Variants in PARD3B observed in about 807,000 individuals in gnomAD.
The protein encoded by PARD3B is par-3 family cell polarity regulator beta, also known as partitioning defective 3 homolog B.
In PARD3B, 103 loss-of-function variants were observed where a neutral mutation model predicts 130.2. That is an observed-to-expected ratio of 0.79 (90% CI 0.67 to 0.93). The LOEUF is 0.93. Among genes scored for constraint, PARD3B ranks in the 40% least tolerant of loss-of-function variants. PARD3B has a pLI of 0.00. For missense variants in PARD3B, 1,609 were observed against 1,499.2 expected (o/e 1.07, Z -1.21); for synonymous variants, 583 against 553.2 (o/e 1.05, Z -0.76).
chr2:204,968,191 A>T (rs1348407171), intron 3 of PARD3B, among the ~76,000 whole-genome samples: 1 of 152,204 alleles, frequency 6.6e-6, no homozygotes, highest in Admixed American at 6.5e-5. Flanking sequence ...TTTCTTAATT[A>T]AGCAGACACA....
chr2:205,066,175 T>C (rs1700364981), intron 4 of PARD3B, among the ~76,000 whole-genome samples: 1 of 152,172 alleles, frequency 6.6e-6, no homozygotes, highest in Non-Finnish European at 1.5e-5. Context: ...CCTGTGCATA[T>C]TTTCTGCTCT....
chr2:205,557,071 T>G (rs2052922089), intron 22 of PARD3B, among the ~76,000 whole-genome samples: 1 of 152,110 alleles, frequency 6.6e-6, no homozygotes, highest in African/African-American at 2.4e-5. Context: ...GATGGCTCTG[T>G]GCATCGGCGC....
At chr2:204,979,249 G>C (rs1451927344) in intron 3 of PARD3B, among the ~76,000 whole-genome samples, 1 of 151,832 alleles carries the variant, frequency 6.6e-6, no homozygotes, top group Non-Finnish European at 1.5e-5. Context: ...AAAATGGAGA[G>C]TAAATAAAAT....
At chr2:205,404,499 A>G (rs1403834052) in intron 19 of PARD3B, among the ~76,000 whole-genome samples, 1 of 152,214 alleles carries the variant, frequency 6.6e-6, no homozygotes, top group Non-Finnish European at 1.5e-5. Context: ...CAAAACCTGC[A>G]TCTATAACAT....
chr2:204,633,427 T>G (rs1345670126), intron 1 of PARD3B, among the ~76,000 whole-genome samples: 3 of 152,178 alleles, frequency 2.0e-5, no homozygotes, highest in African/African-American at 7.2e-5. Flanking sequence ...CTTCTAGAAA[T>G]AGCATCATAT....
At chr2:205,541,260 C>T (rs548826740) in intron 21 of PARD3B, among the ~76,000 whole-genome samples, 236 of 151,746 alleles carry the variant, frequency 1.6e-3, no homozygotes, top group Non-Finnish European at 2.5e-3. Context: ...TTCTCTGTTT[C>T]TCTGGGTTTT....
At chr2:204,853,564 C>G (rs2044796424) in intron 2 of PARD3B, among the ~76,000 whole-genome samples, 2 of 152,300 alleles carry the variant, frequency 1.3e-5, no homozygotes, top group African/African-American at 4.8e-5. Context: ...ACTGGAACTT[C>G]TTATATACAC....
At chr2:205,376,404 C>G (rs1365202051) in intron 18 of PARD3B, among the ~76,000 whole-genome samples, 2 of 117,144 alleles carry the variant, frequency 1.7e-5, no homozygotes, top group African/African-American at 5.7e-5. Flanking sequence ...AGCAGCTGGC[C>G]CATTACCCAC....
In PARD3B at chr2:204,643,115, C is replaced by CAAAAAAAAAAAAA. The variant is rs71029202; in HGVS notation, c.121-43057_121-43045dup. The stretch of plus-strand genomic sequence containing the variant: ...GGCGACAGAGGGAGACTCTGTCTCA[C>CAAAAAAAAAAAAA]AAAAAAAAAAAAAAAAAAAAATGTT... On this transcript the variant is annotated intron_variant, in intron 1 of 22. Transcript: ENST00000406610. Among the ~76,000 whole-genome samples the CAAAAAAAAAAAAA allele has an allele frequency of 6.7e-3, 214 of 31,790 alleles. 24 individuals carry two copies. Among genetic ancestry groups the CAAAAAAAAAAAAA allele is most frequent in the African/African-American group, 0.02 (200 of 10,168 alleles). The allele number at this position is 31,790 out of a possible 152,430, so 20.9% of individuals were successfully genotyped here. A position where few individuals can be genotyped will look rare whatever the true frequency, so the allele number is the denominator to read the frequency against.
chr2:205,044,199 C>G (rs1698602666), intron 3 of PARD3B, among the ~76,000 whole-genome samples: 1 of 151,300 alleles, frequency 6.6e-6, no homozygotes, highest in South Asian at 2.1e-4. Flanking sequence ...TTAATCCAGT[C>G]TATCATTGTT....
intron 1 of PARD3B, among the ~76,000 whole-genome samples, chr2:204,638,606 A>G (rs2034969008): frequency 6.6e-6 from 1 of 152,226 alleles, no homozygotes; most frequent in Non-Finnish European, 1.5e-5. Context: ...TACTAATAAA[A>G]AGAGACATCT....
chr2:204,970,749 A>T (rs960628714), intron 3 of PARD3B, among the ~76,000 whole-genome samples: 3 of 152,272 alleles, frequency 2.0e-5, no homozygotes, highest in Admixed American at 6.5e-5. Flanking sequence ...GATAAAAAGT[A>T]CTTTAAACTT....
chr2:205,125,405 A>C lies in PARD3B; in HGVS notation c.1306-204A>C, dbSNP rs1036758122. On this transcript the variant is annotated intron_variant, in intron 9 of 22. Coordinates refer to ENST00000406610, the MANE Select transcript of PARD3B (RefSeq NM_001302769.2). The surrounding 1 kb of genome is among the most constrained non-coding windows in gnomAD (Gnocchi z 4.0). ...TGTCTTAGGAAAAACTGCTGATATT[A>C]ATTACCGACTCTGAGTTCATCCAGC... 6.6e-6 allele frequency among the ~76,000 whole-genome samples: 1 copy of C among 152,182 alleles called. No homozygotes were observed. The highest frequency in any genetic ancestry group is 1.5e-5 in the Non-Finnish European group (1 of 68,032).
intron 18 of PARD3B, among the ~76,000 whole-genome samples, chr2:205,318,760 C>A (rs2042645677): frequency 6.6e-6 from 1 of 152,134 alleles, no homozygotes; most frequent in Non-Finnish European, 1.5e-5. Flanking sequence ...CTGGGCTGAT[C>A]AAACTCCCTT....
At chr2:205,117,049 T>TA (rs1416046502) in intron 6 of PARD3B, among the ~76,000 whole-genome samples, 3 of 152,062 alleles carry the variant, frequency 2.0e-5, no homozygotes, top group Non-Finnish European at 4.4e-5. Context: ...GAATGCTTGT[T>TA]AAAAAAATAT....
chr2:205,370,567 C>T (rs1399385881), intron 18 of PARD3B, among the ~76,000 whole-genome samples: 1 of 152,136 alleles, frequency 6.6e-6, no homozygotes, highest in Non-Finnish European at 1.5e-5. Context: ...CCCGGCTGCT[C>T]ATAACTGACC....
intron 15 of PARD3B, among the ~76,000 whole-genome samples, chr2:205,202,426 G>A (rs2037045121): frequency 6.6e-6 from 1 of 152,112 alleles, no homozygotes; most frequent in Admixed American, 6.6e-5. Flanking sequence ...CTTTCAAGAA[G>A]AATTTGACTT....
intron 1 of PARD3B, among the ~76,000 whole-genome samples, chr2:204,579,700 G>T (rs945943613): frequency 6.6e-6 from 1 of 152,152 alleles, no homozygotes; most frequent in Non-Finnish European, 1.5e-5. Context: ...GGAATCTTTG[G>T]CTTTTCAGAT....
At chr2:204,593,235 T>G (rs1236801983) in intron 1 of PARD3B, among the ~76,000 whole-genome samples, 1 of 152,096 alleles carries the variant, frequency 6.6e-6, no homozygotes, top group Non-Finnish European at 1.5e-5. Context: ...CAAAATCCAA[T>G]CAAACACCAT....
Sources: gnomAD v4.1 joint callset for allele counts (sites outside exome capture counted in the v4.1 genomes callset) on GRCh38, gnomAD v4.1.1 for gene constraint, Gnocchi (gnomAD v3.1) non-coding constraint, MANE v1.5 for transcripts, NCBI Gene and HGNC (gene_info 2026-07-23, HGNC 2026-07-21) for gene names.